The following ANK3 variants were observed in gnomAD, a reference collection of about 807,000 sequenced individuals.
ANK3 encodes ankyrin 3, also known as ankyrin-3.
A neutral mutation model predicts 370.9 loss-of-function variants in ANK3; 57 were observed. That is an observed-to-expected ratio of 0.15 (90% confidence interval 0.12 to 0.19). ANK3 has a LOEUF of 0.19. Ranked by LOEUF, ANK3 falls within the 10% of genes least tolerant of loss-of-function variation. The pLI, the probability that ANK3 is intolerant of heterozygous loss-of-function variation, is 1.00. For synonymous variants in ANK3, 1,929 were observed against 1,946.3 expected (o/e 0.99, Z 0.23); for missense variants, 4,439 against 5,302.1 (o/e 0.84, Z 5.06).
chr10:60,136,053 C>T (rs1239733120), intron 24 of ANK3, among the ~76,000 whole-genome samples: 2 of 151,752 alleles, frequency 1.3e-5, no homozygotes, highest in African/African-American at 4.8e-5. Context: ...CTTGCACAGT[C>T]AGGCCCTCTG....
In ANK3 at chr10:60,196,253, C is replaced by T. The variant is rs200791367; in HGVS notation, c.1789-10G>A. ...GTGGTGTTAGCCCGCTCTGAAAACA[C>T]GTGCAGAAACAACAACCAGTGTCAA... On this transcript the variant is annotated splice_polypyrimidine_tract_variant and intron_variant, in intron 15 of 43. Coordinates refer to ENST00000280772, the MANE Select transcript of ANK3 (RefSeq NM_020987.5). 175 of 1,611,798 alleles carry T rather than the reference C, an allele frequency of 1.1e-4. No individual in the cohort carries two copies. The Middle Eastern group carries it at 2.8e-3, about 26-fold the overall frequency.
At chr10:60,331,745 A>C (rs2051381824) in intron 1 of ANK3, among the ~76,000 whole-genome samples, 2 of 152,136 alleles carry the variant, frequency 1.3e-5, no homozygotes, top group South Asian at 4.1e-4. Context: ...CTAATCAATA[A>C]AACAAATTAA....
chr10:60,279,027 A>G (rs1300755123), intron 3 of ANK3, 23 bp downstream of exon 3: 2 of 1,611,220 alleles, frequency 1.2e-6, no homozygotes, highest in Middle Eastern at 3.3e-4. Flanking sequence ...TGGTTCAAAA[A>G]GCATTAAATA....
intron 43 of ANK3, among the ~76,000 whole-genome samples, chr10:60,040,412 A>T (rs1293084749): frequency 6.6e-6 from 1 of 152,110 alleles, no homozygotes; most frequent in East Asian, 1.9e-4. Context: ...TCTTGGACTC[A>T]TTCCCTAAGT....
intron 1 of ANK3, among the ~76,000 whole-genome samples, chr10:60,317,975 A>G (rs2047822374): frequency 6.6e-6 from 1 of 151,858 alleles, no homozygotes; most frequent in African/African-American, 2.4e-5. Context: ...CTCGGCCTTC[A>G]TGAGAGAATT....
At chr10:60,402,905 G>A (rs774346206) in intron 2 of ANK3, among the ~76,000 whole-genome samples, 1 of 152,124 alleles carries the variant, frequency 6.6e-6, no homozygotes, top group African/African-American at 2.4e-5. Flanking sequence ...TACATAAGTG[G>A]TTATTATTTT....
intron 2 of ANK3, among the ~76,000 whole-genome samples, chr10:60,476,633 C>A (rs1439030542): frequency 6.6e-6 from 1 of 152,088 alleles, no homozygotes; most frequent in East Asian, 1.9e-4. Context: ...TAGCTTTACT[C>A]TAGTGGTGAG....
chr10:60,226,504 T>TATATACATAGTATATATACTATAGTAC (rs1438645961), intron 8 of ANK3, among the ~76,000 whole-genome samples: 1 of 92,010 alleles, frequency 1.1e-5, no homozygotes, highest in East Asian at 3.2e-4. Flanking sequence ...TACTATAGTA[T>TATATACATAGTATATATACTATAGTAC]ATATACATAG....
chr10:60,421,147 G>C (rs775214492), intron 2 of ANK3, among the ~76,000 whole-genome samples: 3 of 152,008 alleles, frequency 2.0e-5, no homozygotes, highest in Non-Finnish European at 4.4e-5. Context: ...AGTTCACAGA[G>C]AGAGAGAGAT....
At chr10:60,306,862 C>T (rs1175601384) in intron 1 of ANK3, among the ~76,000 whole-genome samples, 1 of 152,134 alleles carries the variant, frequency 6.6e-6, no homozygotes, top group African/African-American at 2.4e-5. Context: ...CTGCCCTGGC[C>T]TCCCGAGTAG....
At chr10:60,574,513 A>G (rs1170080888) in intron 2 of ANK3, among the ~76,000 whole-genome samples, 1 of 152,192 alleles carries the variant, frequency 6.6e-6, no homozygotes, top group Admixed American at 6.5e-5. Context: ...CTATTCAGTA[A>G]CATTCCTCTT....
intron 7 of ANK3, among the ~76,000 whole-genome samples, chr10:60,259,999 C>G (rs147351064): frequency 6.6e-6 from 1 of 152,170 alleles, no homozygotes; most frequent in Non-Finnish European, 1.5e-5. Flanking sequence ...AACTGACTGA[C>G]GCTCTCCAGT....
At chr10:60,273,055 G>A (rs866478018) in intron 4 of ANK3, among the ~76,000 whole-genome samples, 23 of 152,186 alleles carry the variant, frequency 1.5e-4, no homozygotes, top group African/African-American at 4.8e-4. Flanking sequence ...CTTACAGACC[G>A]GGAGTTTCTC....
chr10:60,675,380 C>T (rs1428262117), intron 1 of ANK3, among the ~76,000 whole-genome samples: 2 of 152,152 alleles, frequency 1.3e-5, no homozygotes, highest in African/African-American at 4.8e-5. Context: ...CTTCTTCCAC[C>T]CATCTTCCCA....
Position 60,534,074 on chromosome 10 carries a change from T to C in ANK3, c.96+81112A>G, listed in dbSNP as rs890891639. Among the ~76,000 whole-genome samples, 4 of 152,226 alleles carry C rather than the reference T, an allele frequency of 2.6e-5. No individual in the cohort carries two copies. The South Asian group carries it at 8.3e-4, about 32-fold the overall frequency. On this transcript the variant is annotated intron_variant, in intron 2 of 43. Coordinates refer to the ANK3 transcript ENST00000373827. Reference sequence around the variant, plus strand: ...CTCAGAAGGCCCATATTAGAATCTTTAGTTGGTGGTGTTAAGAGTCACCGC... The same window carrying C: ...CTCAGAAGGCCCATATTAGAATCTTCAGTTGGTGGTGTTAAGAGTCACCGC...
rs116906121 is a variant in ANK3, at chr10:60,389,163, A to C, written c.114+262T>G. Among the ~76,000 whole-genome samples, 369 of 152,276 alleles carry C rather than the reference A, an allele frequency of 2.4e-3. 2 individuals carry two copies. Among genetic ancestry groups the C allele is most frequent in the Middle Eastern group, 0.02 (6 of 294 alleles). ...CTCACAGCACCTTTCCATGTCATGG[A>C]AACATGCCCATGCCTATATAAAGTG... On this transcript the variant is annotated intron_variant, in intron 1 of 43. Coordinates refer to ENST00000280772, the MANE Select transcript of ANK3 (RefSeq NM_020987.5).
chr10:60,535,634 T>A (rs1350657962), intron 2 of ANK3, among the ~76,000 whole-genome samples: 1 of 152,090 alleles, frequency 6.6e-6, no homozygotes, highest in Non-Finnish European at 1.5e-5. Flanking sequence ...TGAATGGAGT[T>A]TACTCTGTCC....
chr10:60,248,803 CA>C (rs1443704991), intron 7 of ANK3, among the ~76,000 whole-genome samples: 1 of 152,158 alleles, frequency 6.6e-6, no homozygotes, highest in African/African-American at 2.4e-5. Flanking sequence ...GTCTGATTCC[CA>C]AAGCTGTGCT....
At chr10:60,051,716 G>A in intron 42 of ANK3, 2 of 220,162 alleles carry the variant, frequency 9.1e-6, no homozygotes, top group Non-Finnish European at 1.3e-5. Context: ...GTATATTTGT[G>A]AGAGTCTTAA....
Sources: allele counts gnomAD v4.1 joint callset (sites outside exome capture counted in the v4.1 genomes callset), GRCh38; gene constraint gnomAD v4.1.1; transcripts MANE v1.5; gene names NCBI Gene and HGNC (gene_info 2026-07-23, HGNC 2026-07-21).